ADGRL2: variants seen among roughly 807,000 people sequenced by gnomAD.
ADGRL2 encodes adhesion G protein-coupled receptor L2, also known as calcium-independent alpha-latrotoxin receptor 2.
Under a neutral mutation model 157.4 loss-of-function variants are expected in ADGRL2, and 44 were observed. That is an observed-to-expected ratio of 0.28 (90% CI 0.22 to 0.36). ADGRL2 has a LOEUF of 0.36. ADGRL2 is among the 10% of genes least tolerant of loss of function. The pLI is 1.00. For missense variants in ADGRL2, 1,510 were observed against 1,768.9 expected (o/e 0.85, Z 2.63); for synonymous variants, 585 against 624.7 (o/e 0.94, Z 0.95).
At chr1:81,716,632 C>T (rs2084126816) in intron 1 of ADGRL2, among the ~76,000 whole-genome samples, 1 of 152,032 alleles carries the variant, frequency 6.6e-6, no homozygotes, top group South Asian at 2.1e-4. Context: ...TTGTCAGGGT[C>T]ATATAAAAGA....
At chr1:81,343,261 C>T (rs980537817) in intron 1 of ADGRL2, among the ~76,000 whole-genome samples, 5 of 151,130 alleles carry the variant, frequency 3.3e-5, no homozygotes, top group African/African-American at 9.7e-5. Context: ...AGCTAATTTT[C>T]GTATTTTTAG....
intron 2 of ADGRL2, among the ~76,000 whole-genome samples, chr1:81,449,113 A>G (rs1437948184): frequency 2.0e-5 from 3 of 152,180 alleles, no homozygotes; most frequent in African/African-American, 7.2e-5. Context: ...TTGGATACAT[A>G]GTGCTTTTGG....
At chr1:81,333,850 A>T (rs1249086752) in intron 1 of ADGRL2, among the ~76,000 whole-genome samples, 2 of 151,960 alleles carry the variant, frequency 1.3e-5, no homozygotes, top group African/African-American at 4.8e-5. Flanking sequence ...CTGTAATGAG[A>T]TTGCTATGAT....
chr1:81,907,992 C>T (rs2094621567), intron 3 of ADGRL2, among the ~76,000 whole-genome samples: 1 of 152,062 alleles, frequency 6.6e-6, no homozygotes, highest in Admixed American at 6.6e-5. Flanking sequence ...TGCCTAGTGA[C>T]CTCTTAGCCA....
chr1:81,469,514 G>T (rs2078126996), intron 2 of ADGRL2, among the ~76,000 whole-genome samples: 1 of 152,040 alleles, frequency 6.6e-6, no homozygotes. Context: ...TTATCCCTCT[G>T]AGTTTTCAGC....
At chr1:81,556,152 T>C (rs1162844193) in intron 2 of ADGRL2, among the ~76,000 whole-genome samples, 3 of 152,084 alleles carry the variant, frequency 2.0e-5, no homozygotes, top group Non-Finnish European at 4.4e-5. Context: ...TTGAGAGCTC[T>C]GGAAGCATTA....
chr1:81,925,680 G>A (rs1292885790), intron 3 of ADGRL2, among the ~76,000 whole-genome samples: 4 of 151,700 alleles, frequency 2.6e-5, no homozygotes, highest in Non-Finnish European at 1.5e-5. Flanking sequence ...CACTTCCAAA[G>A]TCTTGTTATT....
chr1:81,331,903 C>T (rs941248093), intron 1 of ADGRL2, among the ~76,000 whole-genome samples: 1 of 152,018 alleles, frequency 6.6e-6, no homozygotes, highest in African/African-American at 2.4e-5. Flanking sequence ...ATAACTTAAA[C>T]AAAGGTGTTT....
At chr1:81,507,778 A>G (rs932610746) in intron 2 of ADGRL2, among the ~76,000 whole-genome samples, 4 of 152,216 alleles carry the variant, frequency 2.6e-5, no homozygotes, top group Non-Finnish European at 5.9e-5. Flanking sequence ...AATTCAGAAA[A>G]GGTAGAAAGT....
At chr1:81,595,846 G>A (rs1485933927) in intron 3 of ADGRL2, among the ~76,000 whole-genome samples, 2 of 152,218 alleles carry the variant, frequency 1.3e-5, no homozygotes, top group Non-Finnish European at 2.9e-5. Context: ...ATAAGCAACA[G>A]AAATTTATAT....
chr1:81,649,745 G>A (rs1250619276), intron 3 of ADGRL2, among the ~76,000 whole-genome samples: 6 of 152,128 alleles, frequency 3.9e-5, no homozygotes, highest in Non-Finnish European at 8.8e-5. Context: ...AGGCTTGGAG[G>A]GGTTAAGTAA....
intron 1 of ADGRL2, chr1:81,426,950 G>A: frequency 1.4e-6 from 1 of 731,386 alleles, no homozygotes; most frequent in South Asian, 1.4e-5. Context: ...TGAAAAAAAG[G>A]AAGGATTTGC....
At chr1:81,816,548 A>G (rs2090423403) in intron 1 of ADGRL2, among the ~76,000 whole-genome samples, 1 of 151,954 alleles carries the variant, frequency 6.6e-6, no homozygotes, top group African/African-American at 2.4e-5. Context: ...GATCTCCTAA[A>G]GAGAACCAGG....
intron 2 of ADGRL2, among the ~76,000 whole-genome samples, chr1:81,839,916 TATATATATGATGGA>T (rs2092483521): frequency 7.7e-6 from 1 of 129,736 alleles, no homozygotes; most frequent in African/African-American, 3.0e-5. Flanking sequence ...TTTTCCATCA[TATATATATGATGGA>T]ATATATATAT....
chr1:81,772,032 C>A (rs1036779544), intron 2 of ADGRL2, among the ~76,000 whole-genome samples: 1 of 152,110 alleles, frequency 6.6e-6, no homozygotes, highest in African/African-American at 2.4e-5. Flanking sequence ...GGCAGATCAC[C>A]TGTGGTCAGG....
intron 2 of ADGRL2, among the ~76,000 whole-genome samples, chr1:81,899,958 C>G (rs536624094): frequency 1.3e-5 from 2 of 152,230 alleles, no homozygotes; most frequent in South Asian, 4.2e-4. Context: ...CTGCTGATGG[C>G]CATCATCGTT....
intron 1 of ADGRL2, among the ~76,000 whole-genome samples, chr1:81,366,889 T>C (rs1039504293): frequency 2.6e-5 from 4 of 152,216 alleles, no homozygotes; most frequent in African/African-American, 9.6e-5. Flanking sequence ...TCTTTAAGCA[T>C]TGCTGTATCC....
intron 1 of ADGRL2, among the ~76,000 whole-genome samples, chr1:81,341,462 T>C (rs1662068744): frequency 6.6e-6 from 1 of 152,120 alleles, no homozygotes; most frequent in African/African-American, 2.4e-5. Context: ...TTTTTTTGTT[T>C]TTTTATGTAG....
intron 2 of ADGRL2, among the ~76,000 whole-genome samples, chr1:81,484,229 TATTA>T (rs1013936664): frequency 6.6e-6 from 1 of 152,198 alleles, no homozygotes; most frequent in African/African-American, 2.4e-5. Context: ...TCTATTTCCT[TATTA>T]ATTCTAATTG....
Sources: allele counts gnomAD v4.1 joint callset (sites outside exome capture counted in the v4.1 genomes callset), GRCh38; gene constraint gnomAD v4.1.1; transcripts MANE v1.5; gene names NCBI Gene and HGNC (gene_info 2026-07-23, HGNC 2026-07-21).